Variants in ZFHX4 observed in about 807,000 individuals in gnomAD.
The protein encoded by ZFHX4 is zinc finger homeobox 4.
Under a neutral mutation model 267.6 loss-of-function variants are expected in ZFHX4, and 56 were observed. The observed-to-expected ratio is 0.21, with a 90% CI of 0.17 to 0.26. The LOEUF (loss-of-function observed/expected upper bound fraction) is 0.26, where lower values mean the gene tolerates loss of function less well. ZFHX4 is among the 10% of genes least tolerant of loss of function. The pLI is 1.00. For missense variants in ZFHX4, 4,332 were observed against 4,420.0 expected (o/e 0.98, Z 0.56); for synonymous variants, 1,778 against 1,665.6 (o/e 1.07, Z -1.64).
At chr8:76,686,919 G>T (rs1807705783) in intron 1 of ZFHX4, among the ~76,000 whole-genome samples, 1 of 152,198 alleles carries the variant, frequency 6.6e-6, no homozygotes, top group Admixed American at 6.5e-5. Flanking sequence ...CCTAAGGGCT[G>T]TACCCACAGG....
chr8:76,780,768 A>G (rs1810525761), intron 4 of ZFHX4, among the ~76,000 whole-genome samples: 1 of 152,156 alleles, frequency 6.6e-6, no homozygotes, highest in African/African-American at 2.4e-5. Flanking sequence ...GAAAAACCCA[A>G]GAAGTAATTT....
intron 3 of ZFHX4, among the ~76,000 whole-genome samples, chr8:76,711,819 G>A (rs1242762673): frequency 2.6e-5 from 4 of 152,116 alleles, no homozygotes; most frequent in Non-Finnish European, 5.9e-5. Context: ...AAATGAAACT[G>A]GCAATATTTC....
rs113277396 is a variant in ZFHX4, at chr8:76,776,713, A to G, written c.3094-1495A>G. On this transcript the variant is annotated intron_variant, in intron 3 of 10. Transcript: ENST00000651372. ...CTACGCTGCACTTCTATTTCTGGGA[A>G]TGGGAATGATCAGAAACGTAACCTT... Among the ~76,000 whole-genome samples, 918 of 152,286 alleles carry G rather than the reference A, an allele frequency of 6.0e-3. 12 individuals are homozygous for G. The highest frequency in any genetic ancestry group is 0.021 in the African/African-American group (866 of 41,558).
Position 76,681,420 on chromosome 8 carries a change from C to A in ZFHX4, c.-247C>A, listed in dbSNP as rs890185107. The A allele has an allele frequency of 2.5e-6, 1 of 398,636 alleles. No individual in the cohort carries two copies. The highest frequency in any genetic ancestry group is 2.1e-5 in the African/African-American group (1 of 48,496). 24.7% of individuals were successfully genotyped at this position (398,636 alleles called of 1,614,324 possible). A position where few individuals can be genotyped will look rare whatever the true frequency, so the allele number is the denominator to read the frequency against. On this transcript the variant is annotated 5_prime_UTR_variant, in exon 1 of 11. Coordinates refer to ENST00000651372, the MANE Select transcript of ZFHX4 (RefSeq NM_024721.5). ...GGCACATGCTTTAACTCCTCCCGGA[C>A]CCCCGAGGACCGCTCCATGCCCCCC...
intron 10 of ZFHX4, among the ~76,000 whole-genome samples, chr8:76,857,796 A>G (rs569164892): frequency 6.6e-6 from 1 of 151,842 alleles, no homozygotes; most frequent in Non-Finnish European, 1.5e-5. Flanking sequence ...TGTACATTTT[A>G]TTTAAGTAAA....
chr8:76,796,636 T>C (rs917860012), intron 4 of ZFHX4, among the ~76,000 whole-genome samples: 1 of 152,164 alleles, frequency 6.6e-6, no homozygotes, highest in African/African-American at 2.4e-5. Context: ...GAGTGCTGCC[T>C]GGAAGAACTG....
chr8:76,850,234 G>T lies in ZFHX4; in HGVS notation c.3847-11G>T. On this transcript the variant is annotated splice_polypyrimidine_tract_variant and intron_variant, in intron 8 of 10. Coordinates refer to ENST00000651372, the MANE Select transcript of ZFHX4 (RefSeq NM_024721.5). ...GGGTACATTTAACATAAACCCCTTT[G>T]GTTTCCAAAGGTGCCTGTCCCTGAT... 6.2e-7 allele frequency: 1 copy of T among 1,604,490 alleles called. No homozygotes were observed.
chr8:76,754,501 C>CA (rs1809712665), intron 3 of ZFHX4, among the ~76,000 whole-genome samples: 1 of 151,606 alleles, frequency 6.6e-6, no homozygotes, highest in South Asian at 2.1e-4. Context: ...AAAAACAAAA[C>CA]AAAAAACAAT....
chr8:76,727,974 C>A (rs1305824711), intron 3 of ZFHX4, among the ~76,000 whole-genome samples: 1 of 152,140 alleles, frequency 6.6e-6, no homozygotes, highest in Non-Finnish European at 1.5e-5. Flanking sequence ...TCTCACTCAG[C>A]AGCATTAACC....
intron 3 of ZFHX4, among the ~76,000 whole-genome samples, chr8:76,760,872 T>C (rs532260079): frequency 2.6e-4 from 35 of 132,532 alleles, no homozygotes; most frequent in African/African-American, 9.5e-4. Context: ...GAGGCTGCAG[T>C]GAGCAGTGAT....
At chr8:76,793,110 T>C (rs1810882550) in intron 4 of ZFHX4, among the ~76,000 whole-genome samples, 1 of 152,128 alleles carries the variant, frequency 6.6e-6, no homozygotes, top group African/African-American at 2.4e-5. Context: ...AACCATACAA[T>C]AACAATGGGC....
chr8:76,723,278 C>T (rs1337900664), intron 3 of ZFHX4, among the ~76,000 whole-genome samples: 3 of 151,944 alleles, frequency 2.0e-5, no homozygotes, highest in Admixed American at 2.0e-4. Context: ...ATAAAATGGG[C>T]TCTGAGTTAC....
chr8:76,753,068 C>A (rs931798462), intron 3 of ZFHX4, among the ~76,000 whole-genome samples: 2 of 152,098 alleles, frequency 1.3e-5, no homozygotes, highest in Non-Finnish European at 2.9e-5. Context: ...TAGGGTCCAT[C>A]GTTTTCAATA....
chr8:76,790,863 T>A (rs558471424), intron 4 of ZFHX4, among the ~76,000 whole-genome samples: 1 of 152,240 alleles, frequency 6.6e-6, no homozygotes, highest in South Asian at 2.1e-4. Context: ...AAGTTTGAGT[T>A]TCCATCCAGC....
rs1010299368 is a variant in ZFHX4, at chr8:76,851,929, T to C, written c.5008T>C (p.Leu1670=). 3 of 1,613,946 alleles carry C rather than the reference T, an allele frequency of 1.9e-6. No homozygotes were observed. Among genetic ancestry groups the C allele is most frequent in the Middle Eastern group, 1.6e-4 (1 of 6,062 alleles). ...SKDTHLDAKE[L]NKKQTPDLIS... ...AGATACCCATTTAGATGCCAAAGAA[T>C]TAAATAAAAAGCAAACTCCTGATTT... Residue 1670 remains leucine, a synonymous_variant, in exon 10 of 11, where the codon TTA becomes CTA. Coordinates refer to ENST00000651372, the MANE Select transcript of ZFHX4 (RefSeq NM_024721.5).
At chr8:76,753,146 T>C (rs568909361) in intron 3 of ZFHX4, among the ~76,000 whole-genome samples, 2 of 152,312 alleles carry the variant, frequency 1.3e-5, no homozygotes, top group Non-Finnish European at 2.9e-5. Flanking sequence ...GTCAACAACA[T>C]AGAATAACCA....
intron 1 of ZFHX4, among the ~76,000 whole-genome samples, chr8:76,687,726 A>G (rs747246487): frequency 1.2e-4 from 18 of 152,200 alleles, no homozygotes; most frequent in Non-Finnish European, 2.5e-4. Context: ...GGAAAAGAAA[A>G]GAGATTCTGT....
At position 76,842,848 on chromosome 8, in the gene ZFHX4, C is replaced by T. The variant is rs1293888417; in HGVS notation, c.3511+77C>T. 2.6e-5 allele frequency: 26 copies of T among 1,006,502 alleles called. 1 individual carries two copies. In the South Asian group the frequency reaches 3.9e-4, roughly 15 times the overall value. The allele number at this position is 1,006,502 out of a possible 1,614,324, so 62.3% of individuals were successfully genotyped here. A position where few individuals can be genotyped will look rare whatever the true frequency, so the allele number is the denominator to read the frequency against. The stretch of plus-strand genomic sequence containing the variant: ...CATCAACTCTTCCTTCACCATCCCC[C>T]CACCCCACAAAACTTATTAAAAGCT... On this transcript the variant is annotated intron_variant, in intron 6 of 10. Transcript: ENST00000651372.
intron 5 of ZFHX4, among the ~76,000 whole-genome samples, chr8:76,840,095 G>C (rs9792276): frequency 0.27 from 41,034 of 151,996 alleles, 6,368 homozygotes; most frequent in East Asian, 0.58. Context: ...GAGCCTACCT[G>C]TAATAAACAG....
Sources: gnomAD v4.1 joint callset for allele counts (sites outside exome capture counted in the v4.1 genomes callset) on GRCh38, gnomAD v4.1.1 for gene constraint, MANE v1.5 for transcripts, NCBI Gene and HGNC (gene_info 2026-07-23, HGNC 2026-07-21) for gene names.